The following LAMA3 variants were observed in gnomAD, a reference collection of about 807,000 sequenced individuals.
LAMA3 encodes the protein laminin subunit alpha-3.
A neutral mutation model predicts 402.0 loss-of-function variants in LAMA3; 281 were observed. That is an observed-to-expected ratio of 0.70 (90% CI 0.63 to 0.77). The LOEUF (loss-of-function observed/expected upper bound fraction) is 0.77. Among genes scored for constraint, LAMA3 ranks in the 30% least tolerant of loss-of-function variants. LAMA3 has a pLI of 0.00. For missense variants in LAMA3, 3,840 were observed against 4,215.5 expected (o/e 0.91, Z 2.47); for synonymous variants, 1,431 against 1,558.4 (o/e 0.92, Z 1.93).
chr18:23,705,473 A>C (rs2060870688), intron 1 of LAMA3, among the ~76,000 whole-genome samples: 1 of 151,794 alleles, frequency 6.6e-6, no homozygotes, highest in African/African-American at 2.4e-5. Context: ...ACACACACAC[A>C]CACACACAGA....
At position 23,934,017 on chromosome 18, in the gene LAMA3, G is replaced by A. The variant is rs79891249; in HGVS notation, c.8862+82G>A. 2,105 of 1,359,112 alleles carry A rather than the reference G, an allele frequency of 1.5e-3. 26 individuals are homozygous for A. In the African/African-American group the frequency reaches 0.026, roughly 17 times the overall value. The allele number at this position is 1,359,112 out of a possible 1,614,324, so 84.2% of individuals were successfully genotyped here. On this transcript the variant is annotated intron_variant, in intron 67 of 74. Transcript: ENST00000313654. ...CTGCCTTGTGGGAGATATTGGGGAA[G>A]GGGGTGAGAGCTCACCAGTCCATAA... is the stretch of plus-strand genomic sequence containing the variant.
At chr18:23,725,268 C>T (rs2061279139) in intron 2 of LAMA3, among the ~76,000 whole-genome samples, 1 of 152,152 alleles carries the variant, frequency 6.6e-6, no homozygotes, top group South Asian at 2.1e-4. Flanking sequence ...GGCCACCACG[C>T]CCAGCTAATC....
intron 40 of LAMA3, 41 bp downstream of exon 40, chr18:23,882,086 C>A: frequency 7.4e-7 from 1 of 1,357,446 alleles, no homozygotes; most frequent in South Asian, 1.2e-5. Flanking sequence ...GACCCAAAGT[C>A]GTTTGGTGGC....
intron 12 of LAMA3, among the ~76,000 whole-genome samples, chr18:23,792,434 C>T (rs1169416082): frequency 6.6e-6 from 1 of 152,088 alleles, no homozygotes; most frequent in African/African-American, 2.4e-5. Context: ...TCCAGGAAGC[C>T]AGATTCACTT....
At chr18:23,820,283 A>G (rs775035887) in intron 19 of LAMA3, among the ~76,000 whole-genome samples, 7 of 152,196 alleles carry the variant, frequency 4.6e-5, no homozygotes, top group Non-Finnish European at 8.8e-5. Context: ...TTATCTCTGG[A>G]GACTTTTTAT....
chr18:23,890,656 G>A (rs1251756497), intron 42 of LAMA3, among the ~76,000 whole-genome samples: 2 of 152,092 alleles, frequency 1.3e-5, no homozygotes, highest in East Asian at 1.9e-4. Flanking sequence ...TTCCTTCTTT[G>A]ACAGAATATT....
chr18:23,719,028 G>A (rs918483258), intron 2 of LAMA3, among the ~76,000 whole-genome samples: 7 of 152,166 alleles, frequency 4.6e-5, no homozygotes, highest in Admixed American at 1.3e-4. Flanking sequence ...ATGGAGCCGT[G>A]GTTGGGTTGC....
chr18:23,816,513 A>G (rs755007773), intron 18 of LAMA3, 26 bp downstream of exon 18: 14 of 1,572,148 alleles, frequency 8.9e-6, no homozygotes, highest in Non-Finnish European at 9.6e-6. Context: ...GCTTCTTCCC[A>G]TGTTCAGGGT....
intron 49 of LAMA3, 28 bp from the exon 50 acceptor site, chr18:23,903,905 A>G (rs2081154336): frequency 6.4e-7 from 1 of 1,573,466 alleles, no homozygotes; most frequent in Admixed American, 1.7e-5. Flanking sequence ...TTGAATTTAT[A>G]CTGTCTTTGT....
intron 1 of LAMA3, among the ~76,000 whole-genome samples, chr18:23,691,162 G>A (rs181509128): frequency 6.9e-4 from 105 of 152,128 alleles, no homozygotes; most frequent in African/African-American, 2.4e-3. Context: ...TTATCATTGG[G>A]TGTCTAGATT....
At chr18:23,746,276 TC>T (rs1214770771) in intron 2 of LAMA3, among the ~76,000 whole-genome samples, 3 of 152,270 alleles carry the variant, frequency 2.0e-5, no homozygotes, top group Non-Finnish European at 4.4e-5. Flanking sequence ...AATTCTTCCT[TC>T]CTCAGAGATA....
At position 23,763,471 on chromosome 18, in the gene LAMA3, G is replaced by A. The variant is rs370710933; in HGVS notation, c.1130G>A (p.Ser377Asn). Residue 377 changes from serine (S) to asparagine (N), a missense_variant, in exon 8 of 75, where the codon AGC becomes AAC. Ser to Asn is a conservative substitution (Grantham distance 46). Transcript: ENST00000313654. ...CCAGATGTTGAGCGGCAGCAGGCAA[G>A]CTTGAATACCCAGGGCATCTATGCT... ...YDPDVERQQA[S>N]LNTQGIYAGG... The A allele has an allele frequency of 3.6e-5, 58 of 1,613,918 alleles. No homozygotes were observed. The African/African-American group carries it at 6.7e-4, about 19-fold the overall frequency.
intron 17 of LAMA3, among the ~76,000 whole-genome samples, chr18:23,815,956 C>T (rs895504710): frequency 3.9e-5 from 6 of 151,988 alleles, no homozygotes; most frequent in African/African-American, 7.3e-5. Context: ...ACAGGTGCCC[C>T]GCAAGGCTAC....
At chr18:23,704,045 G>A (rs1460975863) in intron 1 of LAMA3, among the ~76,000 whole-genome samples, 2 of 152,186 alleles carry the variant, frequency 1.3e-5, no homozygotes, top group African/African-American at 2.4e-5. Flanking sequence ...CATGGCCTCC[G>A]GAACCTTAGT....
At position 23,702,173 on chromosome 18, in the gene LAMA3, A is replaced by T. The variant is rs1182472426; in HGVS notation, c.295-11747A>T. Among the ~76,000 whole-genome samples, 5 of 152,102 alleles carry T rather than the reference A, an allele frequency of 3.3e-5. No homozygotes were observed. In the East Asian group the frequency reaches 5.8e-4, roughly 18 times the overall value. On this transcript the variant is annotated intron_variant, in intron 1 of 74. Coordinates refer to ENST00000313654, the MANE Select transcript of LAMA3 (RefSeq NM_198129.4). The stretch of plus-strand genomic sequence containing the variant: ...CACGAGGTGAGGGGAAGGGGGTGGG[A>T]GTTTGAGGAGCAAGGAGAATGTGTG...
chr18:23,827,214 G>GTGAACTGAATGAC, intron 22 of LAMA3, 100 bp from the exon 23 acceptor site: 1 of 1,222,682 alleles, frequency 8.2e-7, no homozygotes, highest in Admixed American at 1.7e-5. Context: ...GAATGAATGA[G>GTGAACTGAATGAC]TGAACTGAAT....
intron 2 of LAMA3, among the ~76,000 whole-genome samples, chr18:23,715,743 T>A (rs904275891): frequency 2.6e-5 from 4 of 152,214 alleles, no homozygotes; most frequent in Non-Finnish European, 5.9e-5. Context: ...AAACTAATGC[T>A]AATACTAATA....
rs1004489717 is a variant in LAMA3 at position 23,909,282 on chromosome 18, A to G, written c.7145A>G (p.Asp2382Gly). 6.2e-7 allele frequency: 1 copy of G among 1,612,408 alleles called. No individual in the cohort carries two copies. Among genetic ancestry groups the G allele is most frequent in the Non-Finnish European group, 8.5e-7 (1 of 1,180,018 alleles). The change falls in exon 55 of 75, where the codon GAT becomes GGT. Residue 2382 changes from aspartate to glycine, a missense_variant. This residue lies in a region of LAMA3 where 891 missense variants were observed against 857.5 expected (regional missense o/e 1.04). Transcript: ENST00000313654. The part of the protein sequence containing the change: ...RIRELIQQAR[D>G]AASKVAVPMR... ...CGAGAACTAATTCAGCAGGCCAGAG[A>G]TGCTGCCAGTAAGGTGAGTGTGTCC...
intron 37 of LAMA3, 28 bp from the exon 38 acceptor site, chr18:23,871,403 G>A: frequency 1.2e-6 from 2 of 1,601,170 alleles, no homozygotes; most frequent in Non-Finnish European, 1.7e-6. Flanking sequence ...GCCTAAGGAA[G>A]ACCCTGACTT....
Sources: gnomAD v4.1 joint callset for allele counts (sites outside exome capture counted in the v4.1 genomes callset) on GRCh38, gnomAD v4.1.1 for gene constraint, gnomAD v4.1.1 regional missense constraint, MANE v1.5 for transcripts, NCBI Gene and HGNC (gene_info 2026-07-23, HGNC 2026-07-21) for gene names.